The following RTEL1 variants were observed in gnomAD, a reference collection of about 807,000 sequenced individuals.
The protein encoded by RTEL1 is regulator of telomere length.
RTEL1 carries 86 observed loss-of-function variants against 162.2 expected under a neutral mutation model. The observed-to-expected ratio is 0.53, with a 90% CI of 0.45 to 0.63. RTEL1 has a LOEUF of 0.63. Ranked by LOEUF, RTEL1 falls within the 30% of genes least tolerant of loss-of-function variation. The pLI is 0.00. For synonymous variants in RTEL1, 958 were observed against 717.9 expected (o/e 1.33, Z -5.35); for missense variants, 1,941 against 1,750.2 (o/e 1.11, Z -1.95).
intron 8 of RTEL1, among the ~76,000 whole-genome samples, chr20:63,672,205 C>G (rs75897888): frequency 0.057 from 8,710 of 152,264 alleles, 346 homozygotes; most frequent in Non-Finnish European, 0.086. Flanking sequence ...GTAAATCTCC[C>G]TGAGTGGGGC....
chr20:63,681,955 A>G (rs1045124870), intron 14 of RTEL1: 1 of 985,386 alleles, frequency 1.0e-6, no homozygotes, highest in Non-Finnish European at 1.2e-6. Flanking sequence ...TGGCTCTTCA[A>G]GCAGGAGGCC....
At chr20:63,693,513 TCCACCACCACCACCTCCACCACCA>T (rs2090852897) in intron 30 of RTEL1, among the ~76,000 whole-genome samples, 1 of 2,478 alleles carries the variant, frequency 4.0e-4, no homozygotes, top group African/African-American at 2.7e-3. Context: ...CACCACCTCC[TCCACCACCACCACCTCCACCACCA>T]CCACCACCAC....
intron 14 of RTEL1, 98 bp from the exon 15 acceptor site, chr20:63,685,425 C>T (rs1201352249): frequency 4.0e-6 from 5 of 1,256,144 alleles, no homozygotes; most frequent in Non-Finnish European, 5.6e-6. Flanking sequence ...AACCGATGAC[C>T]CCTGGGTGTC....
intron 21 of RTEL1, 197 bp downstream of exon 21, chr20:63,688,802 G>T (rs1374615594): frequency 1.6e-6 from 1 of 637,702 alleles, no homozygotes. Flanking sequence ...GGTGGGTGTG[G>T]TAACAGTGGC....
At chr20:63,664,230 GGA>G (rs1846690648) in intron 6 of RTEL1, among the ~76,000 whole-genome samples, 2 of 152,170 alleles carry the variant, frequency 1.3e-5, no homozygotes, top group Non-Finnish European at 2.9e-5. Flanking sequence ...ATGTGCTGAT[GGA>G]AATTCTCAAG....
At chr20:63,693,121 A>T in intron 29 of RTEL1, 22 bp from the exon 30 acceptor site, 1 of 1,612,194 alleles carries the variant, frequency 6.2e-7, no homozygotes, top group Non-Finnish European at 8.5e-7. Flanking sequence ...GCAGATGGGG[A>T]CAGACGCCCC....
At chr20:63,689,961 T>C (rs1335862199) in intron 24 of RTEL1, 96 bp downstream of exon 24, 3 of 1,551,140 alleles carry the variant, frequency 1.9e-6, no homozygotes, top group African/African-American at 2.7e-5. Flanking sequence ...CCCCGTCTCC[T>C]CCAGAGCCTC....
chr20:63,676,591 G>T (rs2090354106), intron 10 of RTEL1, among the ~76,000 whole-genome samples: 1 of 152,198 alleles, frequency 6.6e-6, no homozygotes, highest in African/African-American at 2.4e-5. Context: ...ACCACGCCCT[G>T]CACCATATCA....
chr20:63,678,330 G>A lies in RTEL1; in HGVS notation c.1021G>A (p.Val341Ile), dbSNP rs2090399668. Reference sequence around the variant, plus strand: ...TGAGCTGCCTGGAGACGACAGCGGTGTCACCAAGCCAGGGAGGTGAGAGGC... The same window carrying A: ...TGAGCTGCCTGGAGACGACAGCGGTATCACCAAGCCAGGGAGGTGAGAGGC... ...AVELPGDDSG[V>I]TKPGSYIFEL... The change falls in exon 12 of 35, where the codon GTC (valine) becomes ATC (isoleucine). Residue 341 changes from valine (V) to isoleucine (I), a missense_variant. Coordinates refer to ENST00000360203, the MANE Select transcript of RTEL1 (RefSeq NM_001283009.2). The A allele has an allele frequency of 3.1e-6, 5 of 1,612,528 alleles. No individual in the cohort carries two copies. Among genetic ancestry groups the A allele is most frequent in the Non-Finnish European group, 4.2e-6 (5 of 1,179,718 alleles).
rs1030908167 is a variant in RTEL1 at position 63,688,982 on chromosome 20, C to T, written c.1801-73C>T. On this transcript the variant is annotated intron_variant, in intron 21 of 34. Coordinates refer to ENST00000360203, the MANE Select transcript of RTEL1 (RefSeq NM_001283009.2). ...GATCCTTCATCTTGGAGCATGAGAC[C>T]TGGGTCTCCCTCATGGGGGAGGAAG... 14 of 1,321,214 alleles carry T rather than the reference C, an allele frequency of 1.1e-5. No homozygotes were observed. The Admixed American group carries it at 1.7e-4, about 16-fold the overall frequency. 81.8% of individuals were successfully genotyped at this position (1,321,214 alleles called of 1,614,324 possible). A position where few individuals can be genotyped will look rare whatever the true frequency, so the allele number is the denominator to read the frequency against.
Position 63,694,831 on chromosome 20 carries a change from C to A in RTEL1, c.3200C>A (p.Ala1067Asp). The change falls in exon 32 of 35, where the codon GCC becomes GAC. Residue 1067 changes from alanine (A) to aspartate (D), a missense_variant. Coordinates refer to ENST00000360203, the MANE Select transcript of RTEL1 (RefSeq NM_001283009.2). ...QHAVSAYLAD[A>D]RRALGSAGCS... ...GCCGTGAGCGCCTACCTGGCTGATGCCCGCAGGGCCCTGGGGTCCGCGGGC... is the reference window on the plus strand; with the variant it reads ...GCCGTGAGCGCCTACCTGGCTGATGACCGCAGGGCCCTGGGGTCCGCGGGC... 6 of 1,612,548 alleles carry A rather than the reference C, an allele frequency of 3.7e-6. No individual in the cohort carries two copies. The highest frequency in any genetic ancestry group is 5.1e-6 in the Non-Finnish European group (6 of 1,179,828).
Position 63,695,579 on chromosome 20 carries a change from G to A in RTEL1, c.3751G>A (p.Asp1251Asn), listed in dbSNP as rs773592856. 38 of 1,612,082 alleles carry A rather than the reference G, an allele frequency of 2.4e-5. No individual in the cohort carries two copies. Among genetic ancestry groups the A allele is most frequent in the Non-Finnish European group, 2.7e-5 (32 of 1,179,910 alleles). ...TGTGTGCCAGGGCTGTGGGGCAGAG[G>A]ACGTGGTGCCCTTCCAGTGCCCTGC... ...GCVCQGCGAE[D>N]VVPFQCPACD... Residue 1251 changes from aspartate (D) to asparagine (N), a missense_variant, in exon 34 of 35, where the codon GAC becomes AAC. Physicochemically the swap from Asp to Asn is conservative, Grantham distance 23. Coordinates refer to ENST00000360203, the MANE Select transcript of RTEL1 (RefSeq NM_001283009.2).
rs538200567 is a variant in RTEL1 at position 63,671,320 on chromosome 20, A to G, written c.700-1236A>G. ...GTCATCCACTCACTTTGGCCTCCCA[A>G]AGTGCTGAGGTTGCAGGCATGAACC... On this transcript the variant is annotated intron_variant, in intron 8 of 34. Coordinates refer to ENST00000360203, the MANE Select transcript of RTEL1 (RefSeq NM_001283009.2). Among the ~76,000 whole-genome samples the G allele has an allele frequency of 1.1e-4, 16 of 152,060 alleles. No individual in the cohort carries two copies. The South Asian group carries it at 3.3e-3, about 32-fold the overall frequency.
In RTEL1 at chr20:63,693,447, A is replaced by T. The variant is rs1039984216; in HGVS notation, c.2992+164A>T. Among the ~76,000 whole-genome samples the T allele has an allele frequency of 1.3e-3, 147 of 110,904 alleles. 3 individuals are homozygous for T. Among genetic ancestry groups the T allele is most frequent in the African/African-American group, 2.7e-3 (78 of 28,746 alleles). The allele number at this position is 110,904 out of a possible 152,430, so 72.8% of individuals were successfully genotyped here. On this transcript the variant is annotated intron_variant, in intron 30 of 34. Transcript: ENST00000360203. ...CTCCACCTCCACCACCAGCACCAGCAGCACCACCTCCACCTCCACCTCCAC... is the reference window on the plus strand; with the variant it reads ...CTCCACCTCCACCACCAGCACCAGCTGCACCACCTCCACCTCCACCTCCAC...
intron 12 of RTEL1, 87 bp downstream of exon 12, chr20:63,678,433 C>A: frequency 8.1e-7 from 1 of 1,231,716 alleles, no homozygotes; most frequent in Admixed American, 2.3e-5. Flanking sequence ...TGTCACATCA[C>A]GAGTGAGGCC....
intron 28 of RTEL1, 87 bp downstream of exon 28, chr20:63,691,924 C>T (rs563470301): frequency 7.7e-5 from 81 of 1,049,894 alleles, no homozygotes; most frequent in South Asian, 4.0e-4. Flanking sequence ...CGGCTGGTCC[C>T]GATGGGACCA....
chr20:63,689,376 C>A, intron 22 of RTEL1, 126 bp from the exon 23 acceptor site: 1 of 1,189,614 alleles, frequency 8.4e-7, no homozygotes, highest in Non-Finnish European at 1.1e-6. Flanking sequence ...GGGTCCTGAC[C>A]CACAGATGGA....
In RTEL1 at chr20:63,692,896, T is replaced by A; in HGVS notation, c.2744T>A (p.Phe915Tyr). ...TTGAGCCAAGCCAACTTTGCCACCT[T>A]CACCCAGGCCCTGCAGGACTACAAG... The part of the protein sequence containing the change: ...QELSQANFAT[F>Y]TQALQDYKGS... Residue 915 changes from phenylalanine to tyrosine, a missense_variant, in exon 29 of 35, where the codon TTC (phenylalanine) becomes TAC (tyrosine). Transcript: ENST00000360203. 1.2e-6 allele frequency: 2 copies of A among 1,612,648 alleles called. No individual in the cohort carries two copies. The highest frequency in any genetic ancestry group is 1.7e-4 in the Middle Eastern group (1 of 6,058).
chr20:63,676,995 T>C (rs2090367029), intron 10 of RTEL1, among the ~76,000 whole-genome samples: 1 of 152,218 alleles, frequency 6.6e-6, no homozygotes, highest in Non-Finnish European at 1.5e-5. Flanking sequence ...TGGGGATTGG[T>C]CCTGCCCCAT....
Sources: gnomAD v4.1 joint callset for allele counts (sites outside exome capture counted in the v4.1 genomes callset) on GRCh38, gnomAD v4.1.1 for gene constraint, MANE v1.5 for transcripts, NCBI Gene and HGNC (gene_info 2026-07-23, HGNC 2026-07-21) for gene names.